Variants in DAPK2 observed in about 807,000 individuals in gnomAD.
DAPK2 encodes death associated protein kinase 2, also known as death-associated protein kinase 2.
Under a neutral mutation model 44.1 loss-of-function variants are expected in DAPK2, and 35 were observed. The observed-to-expected ratio is 0.79, with a 90% CI of 0.61 to 1.05. DAPK2 has a LOEUF of 1.05. DAPK2 is among the 50% of genes least tolerant of loss of function. DAPK2 has a pLI of 0.00. For synonymous variants in DAPK2, 174 were observed against 182.6 expected (o/e 0.95, Z 0.38); for missense variants, 453 against 483.2 (o/e 0.94, Z 0.59).
intron 1 of DAPK2, among the ~76,000 whole-genome samples, chr15:64,016,854 A>C (rs373881181): frequency 8.9e-6 from 1 of 112,614 alleles, no homozygotes; most frequent in African/African-American, 3.7e-5. Context: ...GAAGGAAGGA[A>C]GGAAGGAAGG....
chr15:64,005,400 C>T (rs2079199113), intron 1 of DAPK2, among the ~76,000 whole-genome samples: 1 of 151,140 alleles, frequency 6.6e-6, no homozygotes, highest in Non-Finnish European at 1.5e-5. Flanking sequence ...AGAGCAGAAA[C>T]TTACCTTTCC....
At chr15:63,935,455 T>A (rs1385057306) in intron 4 of DAPK2, 1 of 152,248 alleles carries the variant, frequency 6.6e-6, no homozygotes, top group Non-Finnish European at 1.5e-5. Flanking sequence ...TTTCCTCAGC[T>A]CTTTGAAGAT....
At chr15:64,009,713 C>G (rs1443139541) in intron 1 of DAPK2, among the ~76,000 whole-genome samples, 1 of 152,134 alleles carries the variant, frequency 6.6e-6, no homozygotes, top group Non-Finnish European at 1.5e-5. Context: ...GTTCAGTACA[C>G]TTAATTGTCT....
intron 1 of DAPK2, among the ~76,000 whole-genome samples, chr15:63,985,627 C>G (rs1222065288): frequency 6.6e-6 from 1 of 152,192 alleles, no homozygotes; most frequent in African/African-American, 2.4e-5. Context: ...GTAAGGGATA[C>G]ACTTAGGTTT....
chr15:63,909,602 G>C (rs986536490), intron 10 of DAPK2: 1 of 152,120 alleles, frequency 6.6e-6, no homozygotes, highest in African/African-American at 2.4e-5. Flanking sequence ...AGGGATTCGA[G>C]ACCAGCCCAG....
chr15:63,923,240 G>A lies in DAPK2; in HGVS notation c.858+1576C>T, dbSNP rs1191594037. The A allele has an allele frequency of 6.5e-7, 1 of 1,535,886 alleles. No individual in the cohort carries two copies. The highest frequency in any genetic ancestry group is 8.7e-7 in the Non-Finnish European group (1 of 1,146,736). ...GAAGTTGACATAGGAGTTGTTGGGA[G>A]GCATGCTTGAGTGGCATTTGAGAGT... On this transcript the variant is annotated intron_variant, in intron 8 of 10. Transcript: ENST00000261891. The surrounding 1 kb of genome is among the most constrained non-coding windows in gnomAD (Gnocchi z 4.2).
At chr15:63,997,354 T>G (rs1304117604) in intron 1 of DAPK2, among the ~76,000 whole-genome samples, 2 of 152,282 alleles carry the variant, frequency 1.3e-5, no homozygotes, top group South Asian at 2.1e-4. Context: ...CTGAGACAGA[T>G]TCTCGCTCTG....
intron 3 of DAPK2, among the ~76,000 whole-genome samples, chr15:63,964,697 T>TTTC (rs1044700389): frequency 1.3e-5 from 2 of 152,078 alleles, no homozygotes; most frequent in African/African-American, 4.8e-5. Flanking sequence ...TCACTAATTC[T>TTTC]TTCTTCTGCT....
intron 1 of DAPK2, among the ~76,000 whole-genome samples, chr15:64,024,382 TG>T (rs1006813780): frequency 6.6e-6 from 1 of 152,156 alleles, no homozygotes; most frequent in African/African-American, 2.4e-5. Context: ...TCAGAAAGCC[TG>T]GGTTGGGGAA....
At chr15:63,944,266 T>C (rs1050316479) in intron 3 of DAPK2, among the ~76,000 whole-genome samples, 3 of 152,178 alleles carry the variant, frequency 2.0e-5, no homozygotes, top group East Asian at 3.9e-4. Context: ...CATTCACTTA[T>C]TGGGCCATTT....
intron 8 of DAPK2, chr15:63,922,333 C>T (rs2079098002): frequency 1.0e-6 from 1 of 1,001,030 alleles, no homozygotes; most frequent in South Asian, 4.4e-5. Flanking sequence ...TTAGTTATTC[C>T]TAATTAACTC....
rs541192229 is a variant in DAPK2 at position 63,946,016 on chromosome 15, C to A, written c.454-6655G>T. Among the ~76,000 whole-genome samples, 11 of 152,352 alleles carry A rather than the reference C, an allele frequency of 7.2e-5. No homozygotes were observed. The East Asian group carries it at 2.1e-3, about 29-fold the overall frequency. ...CAGCTTTATTTACTTCAACCAAATACTTCACCCACATACCTGACATCACCT... is the reference window on the plus strand; with the variant it reads ...CAGCTTTATTTACTTCAACCAAATAATTCACCCACATACCTGACATCACCT... On this transcript the variant is annotated intron_variant, in intron 3 of 10. Coordinates refer to ENST00000261891, the Ensembl canonical transcript of DAPK2.
chr15:63,943,118 A>AG (rs1451756614), intron 3 of DAPK2, among the ~76,000 whole-genome samples: 1 of 151,052 alleles, frequency 6.6e-6, no homozygotes, highest in Non-Finnish European at 1.5e-5. Context: ...TTTTGCAAAA[A>AG]AAAAAAAAGA....
intron 1 of DAPK2, among the ~76,000 whole-genome samples, chr15:63,993,158 C>G (rs1295287516): frequency 6.6e-6 from 1 of 152,152 alleles, no homozygotes; most frequent in Admixed American, 6.5e-5. Context: ...CCCACAACCC[C>G]CTGTGATCTT....
chr15:63,950,832 T>C (rs1229347151), intron 3 of DAPK2, among the ~76,000 whole-genome samples: 1 of 152,192 alleles, frequency 6.6e-6, no homozygotes. Flanking sequence ...TGTACTTCAG[T>C]GAGGATCAAA....
chr15:64,042,729 C>A (rs2141226407), upstream of DAPK2, among the ~76,000 whole-genome samples: 1 of 152,332 alleles, frequency 6.6e-6, no homozygotes, highest in Non-Finnish European at 1.5e-5. The surrounding 1 kb of genome is among the most constrained non-coding windows in gnomAD (Gnocchi z 4.7). Context: ...CAAAGTTGAC[C>A]TTTCCCATTC....
Position 63,990,809 on chromosome 15 carries a change from G to A in DAPK2, c.93-7055C>T, listed in dbSNP as rs558182595. On this transcript the variant is annotated intron_variant, in intron 1 of 10. Transcript: ENST00000261891. This position sits in a 1 kb window ranked among gnomAD's most constrained non-coding sequence, Gnocchi z 4.3. ...AGGAACTTCCAGCCAAGGACCTTCAGCCAATGTGTCTCAAAGGCAGGAGCA... is the reference window on the plus strand; with the variant it reads ...AGGAACTTCCAGCCAAGGACCTTCAACCAATGTGTCTCAAAGGCAGGAGCA... 6.6e-5 allele frequency among the ~76,000 whole-genome samples: 10 copies of A among 152,318 alleles called. No individual in the cohort carries two copies. The South Asian group carries it at 2.1e-3, about 32-fold the overall frequency.
chr15:63,999,501 CCCTTACTTCTATT>C (rs2079030166), intron 1 of DAPK2, among the ~76,000 whole-genome samples: 1 of 152,214 alleles, frequency 6.6e-6, no homozygotes, highest in Non-Finnish European at 1.5e-5. Context: ...GACCTCAGGT[CCCTTACTTCTATT>C]CCTGTGACTT....
At chr15:63,933,596 ATTTTTT>A (rs57997935) in intron 4 of DAPK2, among the ~76,000 whole-genome samples, 1 of 118,188 alleles carries the variant, frequency 8.5e-6, no homozygotes, top group Non-Finnish European at 1.7e-5. Flanking sequence ...GGACAGATTG[ATTTTTT>A]TTTTTTTTTT....
Sources: allele counts gnomAD v4.1 joint callset (sites outside exome capture counted in the v4.1 genomes callset), GRCh38; gene constraint gnomAD v4.1.1; non-coding constraint Gnocchi (gnomAD v3.1); transcripts MANE v1.5; gene names NCBI Gene and HGNC (gene_info 2026-07-23, HGNC 2026-07-21).